CASK: variants seen among roughly 807,000 people sequenced by gnomAD.
CASK encodes calcium/calmodulin dependent serine protein kinase, also known as peripheral plasma membrane protein CASK.
CASK carries 4 observed loss-of-function variants against 82.9 expected under a neutral mutation model. That is an observed-to-expected ratio of 0.05 (90% CI 0.02 to 0.11). The LOEUF (loss-of-function observed/expected upper bound fraction) is 0.11. Ranked by LOEUF, CASK falls within the 10% of genes least tolerant of loss-of-function variation. CASK has a pLI of 1.00. For synonymous variants in CASK, 259 were observed against 253.5 expected, an observed-to-expected ratio of 1.02 and a Z score of -0.20; for missense variants, 358 against 720.9, an observed-to-expected ratio of 0.50 and a Z score of 5.76.
intron 8 of CASK, among the ~76,000 whole-genome samples, chrX:41,641,371 A>C (rs2066650062): frequency 8.9e-6 from 1 of 111,964 alleles, no homozygotes; most frequent in African/African-American, 3.2e-5. Flanking sequence ...ATTACCCAAA[A>C]TTCAAATTGA....
At chrX:41,629,630 TA>T (rs2066432757) in intron 9 of CASK, among the ~76,000 whole-genome samples, 1 of 111,968 alleles carries the variant, frequency 8.9e-6, no homozygotes, top group Non-Finnish European at 1.9e-5. Context: ...TTTTAGGCTC[TA>T]AAGGTCATAT....
At chrX:41,916,085 G>C (rs753340852) in intron 1 of CASK, among the ~76,000 whole-genome samples, 1 of 111,251 alleles carries the variant, frequency 9.0e-6, no homozygotes, top group Non-Finnish European at 1.9e-5. Context: ...GCTGAGGCAA[G>C]AGAATCACTT....
intron 5 of CASK, among the ~76,000 whole-genome samples, chrX:41,707,405 C>A (rs1032654626): frequency 2.0e-4 from 22 of 111,883 alleles, no homozygotes; most frequent in African/African-American, 5.9e-4. Context: ...GCTGAGCTGA[C>A]AGATGACTAA....
intron 1 of CASK, among the ~76,000 whole-genome samples, chrX:41,867,385 T>G (rs1050584104): frequency 4.5e-5 from 5 of 112,289 alleles, no homozygotes; most frequent in African/African-American, 1.6e-4. Flanking sequence ...ATTAGCATAG[T>G]TACATTTAAG....
rs147372209 is a variant in CASK at position 41,613,678 on chromosome X, A to G, written c.1034-3653T>C. Among the ~76,000 whole-genome samples, 132 of 109,977 alleles carry G rather than the reference A, an allele frequency of 1.2e-3. 1 individual carries two copies. In the East Asian group the frequency reaches 0.033, roughly 28 times the overall value. ...TTCAAGAAAGCAGAATGCAAAACTA[A>G]ATAAACTGTATATTCCCAGTTACGA... On this transcript the variant is annotated intron_variant, in intron 11 of 26. Coordinates refer to ENST00000378163, the MANE Select transcript of CASK (RefSeq NM_001367721.1).
rs757977886 is a variant in CASK at position 41,778,329 on chromosome X, C to G, written c.278+8849G>C. ...CACTGCAACCTCTGCCTCCCAGGTT[C>G]AAGTGATTCTCCTGCCTCAGCCTCC... On this transcript the variant is annotated intron_variant, in intron 3 of 26. Transcript: ENST00000378163. 3.7e-5 allele frequency among the ~76,000 whole-genome samples: 4 copies of G among 108,920 alleles called. No homozygotes were observed. In the East Asian group the frequency reaches 1.2e-3, roughly 31 times the overall value. 94.6% of individuals were successfully genotyped at this position (108,920 alleles called of 115,157 possible).
At chrX:41,660,015 C>A (rs1488931752) in intron 8 of CASK, 2 of 132,270 alleles carry the variant, frequency 1.5e-5, no homozygotes, top group Non-Finnish European at 2.9e-5. Flanking sequence ...AAAAAAAAAA[C>A]CTGCCGTTTT....
At chrX:41,726,388 T>C (rs932893815) in intron 5 of CASK, among the ~76,000 whole-genome samples, 6 of 112,349 alleles carry the variant, frequency 5.3e-5, no homozygotes. Flanking sequence ...GCTATACTTC[T>C]GTTCAATTCA....
chrX:41,701,733 T>A (rs1337880191), intron 5 of CASK, among the ~76,000 whole-genome samples: 1 of 111,949 alleles, frequency 8.9e-6, no homozygotes, highest in East Asian at 2.8e-4. Context: ...AAACTTCTAT[T>A]TTTCCTTTTA....
chrX:41,759,409 C>G (rs2068956398), intron 3 of CASK, among the ~76,000 whole-genome samples: 1 of 111,933 alleles, frequency 8.9e-6, no homozygotes, highest in African/African-American at 3.2e-5. Flanking sequence ...TTTCTTTCCC[C>G]CTGTCCTGTA....
intron 2 of CASK, among the ~76,000 whole-genome samples, chrX:41,829,031 T>C (rs1350162914): frequency 8.9e-6 from 1 of 112,283 alleles, no homozygotes. Context: ...ATGAATACTT[T>C]TGTGAACAAG....
chrX:41,668,731 T>G (rs909299949), intron 6 of CASK, among the ~76,000 whole-genome samples: 2 of 111,373 alleles, frequency 1.8e-5, no homozygotes, highest in Non-Finnish European at 3.8e-5. Flanking sequence ...AATTAAATGA[T>G]TGACGGAATT....
intron 5 of CASK, chrX:41,675,615 C>T: frequency 1.8e-6 from 1 of 544,599 alleles, no homozygotes. Flanking sequence ...ACATGAAAAC[C>T]ACATGGGAAA....
chrX:41,812,934 T>C (rs1277779239), intron 2 of CASK, among the ~76,000 whole-genome samples: 4 of 111,508 alleles, frequency 3.6e-5, no homozygotes, highest in African/African-American at 9.8e-5. Flanking sequence ...ACAAGCATTC[T>C]TATACACCAA....
At chrX:41,678,318 A>T (rs887227801) in intron 5 of CASK, among the ~76,000 whole-genome samples, 1 of 109,888 alleles carries the variant, frequency 9.1e-6, no homozygotes, top group Admixed American at 9.7e-5. Context: ...TTTTTTTCCA[A>T]TGTTCATGCC....
At chrX:41,902,742 T>C (rs1027229133) in intron 1 of CASK, among the ~76,000 whole-genome samples, 1 of 111,971 alleles carries the variant, frequency 8.9e-6, no homozygotes. Context: ...GAGAGTAAAC[T>C]GATGTTAGCA....
At chrX:41,797,934 T>C (rs986551499) in intron 2 of CASK, among the ~76,000 whole-genome samples, 5 of 112,142 alleles carry the variant, frequency 4.5e-5, no homozygotes, top group African/African-American at 1.3e-4. Context: ...GGTATGAATG[T>C]TAAAATGGAA....
rs1426371994 is a variant in CASK, at chrX:41,887,397, TG to T, written c.60-34171del. Among the ~76,000 whole-genome samples the T allele has an allele frequency of 2.7e-5, 3 of 109,429 alleles. No individual in the cohort carries two copies. The Admixed American group carries it at 3.0e-4, about 11-fold the overall frequency. Reference sequence around the variant, plus strand: ...ATTGAGTATTTCTGAAGTCTTTATCTGCTACCTAAGCAAATAAAACTGGGTA... The same window carrying T: ...ATTGAGTATTTCTGAAGTCTTTATCTCTACCTAAGCAAATAAAACTGGGTA... On this transcript the variant is annotated intron_variant, in intron 1 of 26. Coordinates refer to ENST00000378163, the MANE Select transcript of CASK (RefSeq NM_001367721.1).
At chrX:41,553,653 T>C in intron 21 of CASK, 66 bp downstream of exon 21, 1 of 842,653 alleles carries the variant, frequency 1.2e-6, no homozygotes, top group Non-Finnish European at 1.7e-6. Context: ...AATATAAAAT[T>C]GGAAAATGGA....
Sources: gnomAD v4.1 joint callset for allele counts (sites outside exome capture counted in the v4.1 genomes callset) on GRCh38, gnomAD v4.1.1 for gene constraint, MANE v1.5 for transcripts, NCBI Gene and HGNC (gene_info 2026-07-23, HGNC 2026-07-21) for gene names.